The following LTBP3 variants were observed in gnomAD, a reference collection of about 807,000 sequenced individuals.
The protein encoded by LTBP3 is latent-transforming growth factor beta-binding protein 3.
A neutral mutation model predicts 159.7 loss-of-function variants in LTBP3; 97 were observed. The ratio of observed to expected loss-of-function variants is 0.61; its 90% CI spans 0.52 to 0.72. The LOEUF (loss-of-function observed/expected upper bound fraction) is 0.72. Among genes scored for constraint, LTBP3 ranks in the 30% least tolerant of loss-of-function variants. LTBP3 has a pLI of 0.00. For synonymous variants in LTBP3, 824 were observed against 777.1 expected, an observed-to-expected ratio of 1.06 and a Z score of -1.00; for missense variants, 1,584 against 1,864.3, an observed-to-expected ratio of 0.85 and a Z score of 2.77.
rs1260092784 is a variant in LTBP3, at chr11:65,552,506, C to T, written c.1187-100G>A. On this transcript the variant is annotated intron_variant, in intron 6 of 27. Transcript: ENST00000301873. The surrounding 1 kb of genome is among the most constrained non-coding windows in gnomAD (Gnocchi z 6.0). Reference sequence around the variant, plus strand: ...CCTTGCCTCTCCGGCCCAGACAACCCTTGATCCCCCATGTGGTCTCTGACC... The same window carrying T: ...CCTTGCCTCTCCGGCCCAGACAACCTTTGATCCCCCATGTGGTCTCTGACC... The T allele has an allele frequency of 1.4e-5, 20 of 1,453,238 alleles. No individual in the cohort carries two copies. The highest frequency in any genetic ancestry group is 1.9e-5 in the Non-Finnish European group (20 of 1,062,148). The allele number at this position is 1,453,238 out of a possible 1,614,324, so 90.0% of individuals were successfully genotyped here. A position where few individuals can be genotyped will look rare whatever the true frequency, so the allele number is the denominator to read the frequency against.
At chr11:65,545,694 A>G (rs1856334179) in intron 16 of LTBP3, 1 of 223,752 alleles carries the variant, frequency 4.5e-6, no homozygotes, top group Non-Finnish European at 8.9e-6. Context: ...TCCCTCCACA[A>G]TCAGCAGCAG....
At position 65,545,990 on chromosome 11, in the gene LTBP3, C is replaced by G. The variant is rs567069030; in HGVS notation, c.2353+452G>C. On this transcript the variant is annotated intron_variant, in intron 16 of 27. Coordinates refer to ENST00000301873, the MANE Select transcript of LTBP3 (RefSeq NM_001130144.3). Reference sequence around the variant, plus strand: ...CTTTCTTGCCCAATTCCTAGTGATTCTTTAAGATGACCCAGGCCTCCTTCC... The same window carrying G: ...CTTTCTTGCCCAATTCCTAGTGATTGTTTAAGATGACCCAGGCCTCCTTCC... 2.4e-4 allele frequency among the ~76,000 whole-genome samples: 36 copies of G among 152,246 alleles called. No individual in the cohort carries two copies. The South Asian group carries it at 7.5e-3, about 32-fold the overall frequency.
At chr11:65,551,880 T>C (rs1213175465) in intron 8 of LTBP3, 92 bp downstream of exon 8, 39 of 1,412,290 alleles carry the variant, frequency 2.8e-5, no homozygotes, top group Middle Eastern at 3.7e-4. Context: ...AATTGGGGGT[T>C]AGACTGTGAG....
chr11:65,557,820 C>A lies in LTBP3; in HGVS notation c.140G>T (p.Gly47Val). 6.8e-7 allele frequency: 1 copy of A among 1,477,146 alleles called. No individual in the cohort carries two copies. Among genetic ancestry groups the A allele is most frequent in the South Asian group, 1.3e-5 (1 of 77,400 alleles). 91.5% of individuals were successfully genotyped at this position (1,477,146 alleles called of 1,614,324 possible). Residue 47 changes from glycine (G) to valine (V), a missense_variant, in exon 1 of 28, where the codon GGC becomes GTC. By Grantham distance (109) the Gly-to-Val change is moderately radical (BLOSUM62 -3). Transcript: ENST00000301873. ...LGGRVEGGPA[G>V]ERGAGGGGAL... ...CCCGCCCCCGCCTGCGCCCCGCTCG[C>A]CGGCCGGCCCCCCCTCGACCCTGCC...
intron 19 of LTBP3, 139 bp downstream of exon 19, chr11:65,541,461 C>T: frequency 6.8e-7 from 1 of 1,460,394 alleles, no homozygotes; most frequent in Non-Finnish European, 9.5e-7. Flanking sequence ...ATCGTCTGGC[C>T]CCACCAGACT....
In LTBP3 at chr11:65,549,075, C is replaced by T. The variant is rs575195746; in HGVS notation, c.1721-1030G>A. Among the ~76,000 whole-genome samples the T allele has an allele frequency of 2.4e-4, 36 of 152,306 alleles. No homozygotes were observed. In the South Asian group the frequency reaches 2.5e-3, roughly 11 times the overall value. On this transcript the variant is annotated intron_variant, in intron 11 of 27. Transcript: ENST00000301873. ...CTCATCTGGAAAACGAGGCTAACAACGCTCACTTTGCAGAGTATGAGAAGG... is the reference window on the plus strand; with the variant it reads ...CTCATCTGGAAAACGAGGCTAACAATGCTCACTTTGCAGAGTATGAGAAGG...
At position 65,547,552 on chromosome 11, in the gene LTBP3, G is replaced by A. The variant is rs1345823383; in HGVS notation, c.1994C>T (p.Ala665Val). The A allele has an allele frequency of 6.2e-7, 1 of 1,613,950 alleles. No individual in the cohort carries two copies. Residue 665 changes from alanine to valine, a missense_variant, in exon 14 of 28, where the codon GCC (alanine) becomes GTC (valine). Physicochemically the swap from Ala to Val is moderately conservative, Grantham distance 64. Coordinates refer to ENST00000301873, the MANE Select transcript of LTBP3 (RefSeq NM_001130144.3). The surrounding 1 kb of genome is among the most constrained non-coding windows in gnomAD (Gnocchi z 4.6). ...GRSCVDLNEC[A>V]KPHLCGDGGF... Reference sequence around the variant, plus strand: ...GCCGTCGCCGCACAGGTGGGGCTTGGCGCATTCGTTCAGGTCTGTGCGGGA... The same window carrying A: ...GCCGTCGCCGCACAGGTGGGGCTTGACGCATTCGTTCAGGTCTGTGCGGGA...
chr11:65,551,256 G>A (rs1243518870), intron 10 of LTBP3, 32 bp from the exon 11 acceptor site: 10 of 1,531,218 alleles, frequency 6.5e-6, no homozygotes, highest in Non-Finnish European at 8.8e-6. Context: ...GGTCAGAGAC[G>A]ATATTGACTG....
chr11:65,539,170 C>T lies in LTBP3; in HGVS notation c.3822G>A (p.Val1274=), dbSNP rs754288986. The T allele has an allele frequency of 6.6e-7, 1 of 1,508,660 alleles. No individual in the cohort carries two copies. The allele number at this position is 1,508,660 out of a possible 1,614,324, so 93.5% of individuals were successfully genotyped here. The stretch of plus-strand genomic sequence containing the variant: ...CGCAGCGGAAGGAGCCGCTGGTGTT[C>T]ACGCAGCGCTCGCTCTTGCACAGCA... The part of the protein sequence containing the change: ...RGLLCKSERC[V]NTSGSFRCVC... The change falls in exon 28 of 28, where the codon GTG becomes GTA. Residue 1274 remains valine, a synonymous_variant. Transcript: ENST00000301873.
At chr11:65,557,592 TC>T (rs1165667165) in intron 1 of LTBP3, 36 bp downstream of exon 1, 1 of 1,603,802 alleles carries the variant, frequency 6.2e-7, no homozygotes, top group Non-Finnish European at 8.5e-7. Context: ...CTGGTGCCTG[TC>T]CTTCCCCTGC....
At position 65,553,905 on chromosome 11, in the gene LTBP3, T is replaced by TGGGGGC. The variant is rs1339674601; in HGVS notation, c.662-8_662-3dup. ...TCACCACGGGGGGCGGGGCCTGCAC[T>TGGGGGC]GGGGGCGGGCGCGGTGGCCTCAGGG... On this transcript the variant is annotated splice_region_variant and splice_polypyrimidine_tract_variant and intron_variant, in intron 2 of 27. Transcript: ENST00000301873. This position sits in a 1 kb window ranked among gnomAD's most constrained non-coding sequence, Gnocchi z 6.5. The TGGGGGC allele has an allele frequency of 2.1e-6, 3 of 1,457,876 alleles. No individual in the cohort carries two copies. Among genetic ancestry groups the TGGGGGC allele is most frequent in the Non-Finnish European group, 2.7e-6 (3 of 1,094,490 alleles). 90.3% of individuals were successfully genotyped at this position (1,457,876 alleles called of 1,614,324 possible). A position where few individuals can be genotyped will look rare whatever the true frequency, so the allele number is the denominator to read the frequency against.
chr11:65,556,075 C>T (rs1018272656), intron 1 of LTBP3, among the ~76,000 whole-genome samples: 1 of 152,306 alleles, frequency 6.6e-6, no homozygotes, highest in African/African-American at 2.4e-5. Flanking sequence ...GGCCTGGGCA[C>T]CGAGCCTGGG....
Position 65,540,843 on chromosome 11 carries a change from G to T in LTBP3, c.2977+28C>A, listed in dbSNP as rs547679169. ...AGCCCAACCCGGGGTGAGAGGGCGC[G>T]GGGCGGGCGGAGCCGCAGGGCGCTT... On this transcript the variant is annotated intron_variant, in intron 21 of 27. Coordinates refer to ENST00000301873, the MANE Select transcript of LTBP3 (RefSeq NM_001130144.3). 9.4e-6 allele frequency: 15 copies of T among 1,595,546 alleles called. No individual in the cohort carries two copies. In the East Asian group the frequency reaches 1.8e-4, roughly 19 times the overall value.
intron 11 of LTBP3, among the ~76,000 whole-genome samples, chr11:65,549,433 G>A (rs937099759): frequency 6.6e-6 from 1 of 151,734 alleles, no homozygotes; most frequent in African/African-American, 2.4e-5. Flanking sequence ...TTTTTTTTGA[G>A]ATGGAGTCTC....
Position 65,553,511 on chromosome 11 carries a change from G to A in LTBP3, c.884C>T (p.Pro295Leu). The stretch of plus-strand genomic sequence containing the variant: ...GCAGTCTTCCTGCTTGGTGAGGCCG[G>A]GGAGGGGGTTGCTGCCACACTAGGG... ...PKQPCGSNPL[P>L]GLTKQEDCCG... Residue 295 changes from proline to leucine, a missense_variant, in exon 4 of 28, where the codon CCC becomes CTC. By Grantham distance (98) the Pro-to-Leu change is moderately conservative. Around this residue, in one of 6 missense-constraint regions of LTBP3, gnomAD observed 156 missense variants for 259.7 expected, o/e 0.60. Coordinates refer to ENST00000301873, the MANE Select transcript of LTBP3 (RefSeq NM_001130144.3). The surrounding 1 kb of genome is among the most constrained non-coding windows in gnomAD (Gnocchi z 6.5). 1.9e-6 allele frequency: 3 copies of A among 1,611,752 alleles called. No individual in the cohort carries two copies. The highest frequency in any genetic ancestry group is 2.5e-6 in the Non-Finnish European group (3 of 1,179,380).
rs1044082897 is a variant in LTBP3 at position 65,550,074 on chromosome 11, G to A, written c.1720+1052C>T. Reference sequence around the variant, plus strand: ...TCGCAGAGCAGACAGGCAACAAGCCGATCAATAAGCAGAATCTCCTATGTC... The same window carrying A: ...TCGCAGAGCAGACAGGCAACAAGCCAATCAATAAGCAGAATCTCCTATGTC... On this transcript the variant is annotated intron_variant, in intron 11 of 27. Transcript: ENST00000301873. 2.0e-4 allele frequency among the ~76,000 whole-genome samples: 30 copies of A among 152,114 alleles called. No individual in the cohort carries two copies. In the East Asian group the frequency reaches 4.4e-3, roughly 23 times the overall value.
intron 21 of LTBP3, 86 bp from the exon 22 acceptor site, chr11:65,540,700 C>T (rs1467774275): frequency 5.7e-6 from 6 of 1,047,472 alleles, no homozygotes; most frequent in South Asian, 1.4e-5. Context: ...GCGAAGCCAT[C>T]CCCGGGCGGG....
chr11:65,542,346 G>A (rs920404979), intron 18 of LTBP3: 5 of 152,304 alleles, frequency 3.3e-5, no homozygotes, highest in African/African-American at 1.3e-4. Flanking sequence ...CTAGTACAAA[G>A]CACAGAACCT....
Position 65,546,525 on chromosome 11 carries a change from C to G in LTBP3, c.2270G>C (p.Gly757Ala). 6.2e-7 allele frequency: 1 copy of G among 1,601,808 alleles called. No individual in the cohort carries two copies. The highest frequency in any genetic ancestry group is 8.5e-7 in the Non-Finnish European group (1 of 1,179,378). The change falls in exon 16 of 28, where the codon GGC (glycine) becomes GCC (alanine). Residue 757 changes from glycine to alanine, a missense_variant. Around this residue, in one of 6 missense-constraint regions of LTBP3, gnomAD observed 565 missense variants for 677.7 expected, o/e 0.83. Coordinates refer to ENST00000301873, the MANE Select transcript of LTBP3 (RefSeq NM_001130144.3). The surrounding 1 kb of genome is among the most constrained non-coding windows in gnomAD (Gnocchi z 4.0). Reference sequence around the variant, plus strand: ...GGAGCCCGGGAGGTTCTCGCACCAGCCAGGCGAGCAGGGGCTGCCCTCGGC... The same window carrying G: ...GGAGCCCGGGAGGTTCTCGCACCAGGCAGGCGAGCAGGGGCTGCCCTCGGC... ...ECAEGSPCSP[G>A]WCENLPGSFR...
Sources: allele counts gnomAD v4.1 joint callset (sites outside exome capture counted in the v4.1 genomes callset), GRCh38; gene constraint gnomAD v4.1.1; regional missense constraint gnomAD v4.1.1; non-coding constraint Gnocchi (gnomAD v3.1); transcripts MANE v1.5; gene names NCBI Gene and HGNC (gene_info 2026-07-23, HGNC 2026-07-21).